The following EYS variants were observed in gnomAD, a reference collection of about 807,000 sequenced individuals.
EYS encodes the protein protein eyes shut homolog.
A neutral mutation model predicts 282.1 loss-of-function variants in EYS; 250 were observed. The observed-to-expected ratio is 0.89, with a 90% CI of 0.80 to 0.98. EYS has a LOEUF of 0.98. Among genes scored for constraint, EYS ranks in the 50% least tolerant of loss-of-function variants. The probability of loss-of-function intolerance (pLI) is 0.00; values close to 1 mark genes in which losing one functional copy is unlikely to be tolerated. For missense variants in EYS, 4,016 were observed against 3,709.0 expected, an observed-to-expected ratio of 1.08 and a Z score of -2.15; for synonymous variants, 1,355 against 1,282.9, an observed-to-expected ratio of 1.06 and a Z score of -1.20.
chr6:64,754,108 C>T (rs990551669), intron 22 of EYS, among the ~76,000 whole-genome samples: 1 of 151,758 alleles, frequency 6.6e-6, no homozygotes, highest in Non-Finnish European at 1.5e-5. Context: ...AAAAACAGTG[C>T]CAAGAGGGTA....
chr6:65,106,706 T>C (rs1478230255), intron 12 of EYS, among the ~76,000 whole-genome samples: 1 of 152,086 alleles, frequency 6.6e-6, no homozygotes, highest in Non-Finnish European at 1.5e-5. Flanking sequence ...TCAGACATTT[T>C]ATGTTCACCG....
intron 19 of EYS, among the ~76,000 whole-genome samples, chr6:64,829,158 G>A (rs1278922270): frequency 6.6e-6 from 1 of 151,978 alleles, no homozygotes; most frequent in African/African-American, 2.4e-5. Context: ...TGATAGGAGT[G>A]GGCATGAAGT....
chr6:65,268,132 A>G lies in EYS; in HGVS notation c.2023+27731T>C, dbSNP rs528960849. Among the ~76,000 whole-genome samples the G allele has an allele frequency of 3.3e-5, 5 of 152,182 alleles. No individual in the cohort carries two copies. The South Asian group carries it at 1.0e-3, about 31-fold the overall frequency. On this transcript the variant is annotated intron_variant, in intron 12 of 42. Transcript: ENST00000503581. ...ATGCAATGAATAATTAATCAGTTACACTTGAAACAATACCTATGAAACACA... is the reference window on the plus strand; with the variant it reads ...ATGCAATGAATAATTAATCAGTTACGCTTGAAACAATACCTATGAAACACA...
chr6:65,276,292 G>A (rs981497080), intron 12 of EYS, among the ~76,000 whole-genome samples: 1 of 152,042 alleles, frequency 6.6e-6, no homozygotes, highest in African/African-American at 2.4e-5. Flanking sequence ...AGTAGAAATA[G>A]AAGTAGCACC....
intron 1 of EYS, among the ~76,000 whole-genome samples, chr6:65,691,443 T>G (rs951308972): frequency 2.0e-5 from 3 of 150,488 alleles, no homozygotes; most frequent in African/African-American, 7.3e-5. Context: ...GTTTTTTTAC[T>G]GTAAATTTGT....
At chr6:64,372,595 T>C (rs1201737427) in intron 29 of EYS, among the ~76,000 whole-genome samples, 1 of 152,162 alleles carries the variant, frequency 6.6e-6, no homozygotes, top group Non-Finnish European at 1.5e-5. Flanking sequence ...ACCTCTCTAG[T>C]AAGGTTGGGG....
At chr6:64,348,805 C>T (rs1771510162) in intron 29 of EYS, among the ~76,000 whole-genome samples, 1 of 151,398 alleles carries the variant, frequency 6.6e-6, no homozygotes, top group Non-Finnish European at 1.5e-5. Flanking sequence ...CAGCAGACAT[C>T]ATGCTCTCCC....
intron 12 of EYS, among the ~76,000 whole-genome samples, chr6:65,184,438 C>T (rs1415666687): frequency 6.6e-6 from 1 of 151,748 alleles, no homozygotes; most frequent in East Asian, 2.0e-4. Context: ...TTAAAAGTCC[C>T]TTCTCCCAAT....
chr6:64,260,278 G>T (rs1333888093), intron 30 of EYS, among the ~76,000 whole-genome samples: 10 of 152,080 alleles, frequency 6.6e-5, no homozygotes, highest in African/African-American at 2.4e-4. Flanking sequence ...CCATGAGGCT[G>T]CCATACTAGT....
At chr6:65,686,931 A>G (rs1033480325) in intron 1 of EYS, among the ~76,000 whole-genome samples, 2 of 151,980 alleles carry the variant, frequency 1.3e-5, no homozygotes, top group Non-Finnish European at 2.9e-5. Context: ...TTTTTTTTTA[A>G]TGTTATAGGC....
At chr6:64,166,494 T>C (rs565007493) in intron 31 of EYS, among the ~76,000 whole-genome samples, 2 of 152,288 alleles carry the variant, frequency 1.3e-5, no homozygotes, top group East Asian at 3.9e-4. Context: ...TTATAGTCTG[T>C]AGAAAAATTA....
At chr6:64,637,499 C>A (rs12213239) in intron 22 of EYS, among the ~76,000 whole-genome samples, 42,542 of 84,888 alleles carry the variant, frequency 0.5, 18,620 homozygotes, top group Middle Eastern at 0.79. Flanking sequence ...TGTTAAATGA[C>A]GAGTTAATGG....
At chr6:64,377,838 G>T (rs1433643063) in intron 29 of EYS, 1 of 151,978 alleles carries the variant, frequency 6.6e-6, no homozygotes, top group Non-Finnish European at 1.5e-5. Flanking sequence ...ATGCTGACTG[G>T]GTTCAAATCC....
chr6:63,890,229 A>G (rs749608999), intron 35 of EYS, among the ~76,000 whole-genome samples: 1 of 152,252 alleles, frequency 6.6e-6, no homozygotes, highest in Non-Finnish European at 1.5e-5. Flanking sequence ...ACGTGAACTC[A>G]GCTCTGGAAC....
At chr6:64,856,396 G>A (rs544695679) in intron 19 of EYS, among the ~76,000 whole-genome samples, 1 of 152,162 alleles carries the variant, frequency 6.6e-6, no homozygotes, top group African/African-American at 2.4e-5. Context: ...AACTTCCCAG[G>A]CTAAGGTGAT....
chr6:65,057,250 AAAG>A (rs1162177275), intron 13 of EYS, among the ~76,000 whole-genome samples: 45 of 152,246 alleles, frequency 3.0e-4, no homozygotes, highest in African/African-American at 8.9e-4. Context: ...ATTAGCTTAG[AAAG>A]AAGAAGAGAA....
At chr6:64,420,171 C>T (rs995393255) in intron 28 of EYS, among the ~76,000 whole-genome samples, 5 of 152,146 alleles carry the variant, frequency 3.3e-5, no homozygotes, top group African/African-American at 9.7e-5. Context: ...CATGTGGAAA[C>T]TGCCAAGACC....
intron 31 of EYS, among the ~76,000 whole-genome samples, chr6:64,143,562 T>A (rs926730710): frequency 3.3e-5 from 5 of 152,162 alleles, no homozygotes; most frequent in Non-Finnish European, 7.3e-5. Flanking sequence ...AAATTTGAGA[T>A]GTCTTTGAGA....
intron 5 of EYS, among the ~76,000 whole-genome samples, chr6:65,468,897 T>TA (rs2150415206): frequency 6.6e-6 from 1 of 152,212 alleles, no homozygotes; most frequent in Admixed American, 6.5e-5. Flanking sequence ...TTTAAGATTC[T>TA]ATGAGATATG....
Sources: gnomAD v4.1 joint callset for allele counts (sites outside exome capture counted in the v4.1 genomes callset) on GRCh38, gnomAD v4.1.1 for gene constraint, MANE v1.5 for transcripts, NCBI Gene and HGNC (gene_info 2026-07-23, HGNC 2026-07-21) for gene names.